DIAPH2: variants seen among roughly 807,000 people sequenced by gnomAD.
DIAPH2 encodes the protein diaphanous related formin 2.
DIAPH2 carries 35 observed loss-of-function variants against 92.7 expected under a neutral mutation model. The ratio of observed to expected loss-of-function variants is 0.38; its 90% CI spans 0.29 to 0.50. The LOEUF is 0.50. Among genes scored for constraint, DIAPH2 ranks in the 20% least tolerant of loss-of-function variants. The pLI is 0.94. For missense variants in DIAPH2, 701 were observed against 819.5 expected, an observed-to-expected ratio of 0.86 and a Z score of 1.77; for synonymous variants, 301 against 280.4, an observed-to-expected ratio of 1.07 and a Z score of -0.73.
At chrX:97,260,858 C>G (rs1485908279) in intron 23 of DIAPH2, among the ~76,000 whole-genome samples, 1 of 111,857 alleles carries the variant, frequency 8.9e-6, no homozygotes, top group East Asian at 2.8e-4. Flanking sequence ...AGAGATTTGC[C>G]CATTACTAGT....
At chrX:97,538,580 GA>G (rs758196379) in intron 26 of DIAPH2, among the ~76,000 whole-genome samples, 20 of 109,676 alleles carry the variant, frequency 1.8e-4, no homozygotes, top group East Asian at 5.7e-4. Context: ...TCCTTTTTAG[GA>G]AAAAAAAATT....
chrX:97,131,259 C>G (rs761713495), intron 21 of DIAPH2, among the ~76,000 whole-genome samples: 181 of 111,514 alleles, frequency 1.6e-3, no homozygotes, highest in Non-Finnish European at 3.0e-3. Flanking sequence ...ATATGGTCAA[C>G]TAATATACAG....
chrX:96,838,327 G>C (rs2064912750), intron 4 of DIAPH2, among the ~76,000 whole-genome samples: 1 of 111,705 alleles, frequency 9.0e-6, no homozygotes, highest in Non-Finnish European at 1.9e-5. Flanking sequence ...ACTATAGTAA[G>C]CATGTGGCCC....
intron 24 of DIAPH2, among the ~76,000 whole-genome samples, chrX:97,350,286 A>AAAAT (rs2069200094): frequency 9.0e-6 from 1 of 110,834 alleles, no homozygotes; most frequent in Non-Finnish European, 1.9e-5. Flanking sequence ...TCTCTGTCCC[A>AAAAT]AAATAAATAA....
intron 26 of DIAPH2, among the ~76,000 whole-genome samples, chrX:97,516,708 C>T (rs906832965): frequency 9.0e-6 from 1 of 111,433 alleles, no homozygotes; most frequent in South Asian, 3.8e-4. Flanking sequence ...GAATTTCTTA[C>T]TAGTTGGTTT....
chrX:97,221,777 C>T (rs961267145), intron 22 of DIAPH2, among the ~76,000 whole-genome samples: 1 of 111,103 alleles, frequency 9.0e-6, no homozygotes, highest in Non-Finnish European at 1.9e-5. Flanking sequence ...CTTAAAATTT[C>T]CTCCAAAATT....
chrX:97,123,070 C>T (rs1160666986), intron 21 of DIAPH2, among the ~76,000 whole-genome samples: 1 of 111,824 alleles, frequency 8.9e-6, no homozygotes, highest in African/African-American at 3.3e-5. Flanking sequence ...CAAGAATATT[C>T]GCTATAGTTT....
At chrX:97,161,091 C>T (rs1190615891) in intron 22 of DIAPH2, among the ~76,000 whole-genome samples, 1 of 87,713 alleles carries the variant, frequency 1.1e-5, no homozygotes, top group African/African-American at 4.3e-5. Flanking sequence ...GATATAGTGG[C>T]GGGATGCAGC....
intron 23 of DIAPH2, among the ~76,000 whole-genome samples, chrX:97,253,490 G>A (rs1413332295): frequency 1.8e-5 from 2 of 110,347 alleles, no homozygotes; most frequent in Non-Finnish European, 3.8e-5. Context: ...GCTCATGCCT[G>A]TAATTCCAGC....
chrX:96,743,398 C>A (rs1003560777), intron 3 of DIAPH2, among the ~76,000 whole-genome samples: 1 of 110,867 alleles, frequency 9.0e-6, no homozygotes, highest in Non-Finnish European at 1.9e-5. Context: ...TTTAAAGGAA[C>A]CTTCATACTA....
chrX:97,171,857 G>C (rs912254707), intron 22 of DIAPH2, among the ~76,000 whole-genome samples: 14 of 109,297 alleles, frequency 1.3e-4, no homozygotes, highest in African/African-American at 4.0e-4. Flanking sequence ...GGAGAATGGC[G>C]TGAACCCGGG....
intron 23 of DIAPH2, among the ~76,000 whole-genome samples, chrX:97,254,492 C>CAAAAAAAAAAAAAAAAAAAAAAAAAAA (rs1172020847): frequency 3.4e-5 from 1 of 29,060 alleles, no homozygotes; most frequent in Non-Finnish European, 6.5e-5. Flanking sequence ...AACTCTGTCT[C>CAAAAAAAAAAAAAAAAAAAAAAAAAAA]AAAAAAAAAA....
chrX:97,249,243 C>CT (rs1360007622), intron 23 of DIAPH2, among the ~76,000 whole-genome samples: 1 of 111,432 alleles, frequency 9.0e-6, no homozygotes, highest in Non-Finnish European at 1.9e-5. Context: ...AACATTGAGT[C>CT]TTTGTTGCTC....
At chrX:97,194,292 T>A (rs1369736219) in intron 22 of DIAPH2, among the ~76,000 whole-genome samples, 2 of 109,292 alleles carry the variant, frequency 1.8e-5, no homozygotes, top group Non-Finnish European at 3.8e-5. Context: ...AAATTTTTTT[T>A]TTTTTTTTTG....
intron 26 of DIAPH2, among the ~76,000 whole-genome samples, chrX:97,470,625 A>G (rs1018939057): frequency 9.1e-6 from 1 of 109,950 alleles, no homozygotes; most frequent in African/African-American, 3.3e-5. Flanking sequence ...TAGCACTACT[A>G]CATGTACATT....
At chrX:96,814,190 T>C (rs1444616343) in intron 4 of DIAPH2, among the ~76,000 whole-genome samples, 3 of 112,022 alleles carry the variant, frequency 2.7e-5, no homozygotes, top group African/African-American at 9.7e-5. Flanking sequence ...TCTTTTCACA[T>C]ATTCCCATAT....
chrX:97,163,713 C>A (rs187325068), intron 22 of DIAPH2, among the ~76,000 whole-genome samples: 26 of 111,967 alleles, frequency 2.3e-4, no homozygotes, highest in South Asian at 7.5e-4. Flanking sequence ...GACATAAATT[C>A]TCTTCCCTAT....
intron 22 of DIAPH2, among the ~76,000 whole-genome samples, chrX:97,216,223 G>A (rs965687789): frequency 1.8e-5 from 2 of 112,231 alleles, no homozygotes; most frequent in Admixed American, 9.4e-5. Flanking sequence ...GATGGTGACT[G>A]TTGAAGATAT....
At chrX:96,914,378 C>G (rs1183876515) in intron 7 of DIAPH2, among the ~76,000 whole-genome samples, 1 of 111,147 alleles carries the variant, frequency 9.0e-6, no homozygotes. Context: ...CAAGATAGAT[C>G]TCTTTCGTCA....
Sources: gnomAD v4.1 joint callset for allele counts (sites outside exome capture counted in the v4.1 genomes callset) on GRCh38, gnomAD v4.1.1 for gene constraint, MANE v1.5 for transcripts, NCBI Gene and HGNC (gene_info 2026-07-23, HGNC 2026-07-21) for gene names.